Variants in RBFOX1 observed in about 807,000 individuals in gnomAD.
The protein encoded by RBFOX1 is RNA binding protein fox-1 homolog 1.
In RBFOX1, 8 loss-of-function variants were observed where a neutral mutation model predicts 57.7. The observed-to-expected ratio is 0.14, with a 90% CI of 0.08 to 0.25. The LOEUF (loss-of-function observed/expected upper bound fraction) is 0.25. RBFOX1 is among the 10% of genes least tolerant of loss of function. RBFOX1 has a pLI of 1.00. For missense variants in RBFOX1, 611 were observed against 548.5 expected (o/e 1.11, Z -1.14); for synonymous variants, 326 against 222.4 (o/e 1.47, Z -4.15).
At chr16:6,356,918 T>C (rs1173183114) in intron 2 of RBFOX1, among the ~76,000 whole-genome samples, 1 of 152,096 alleles carries the variant, frequency 6.6e-6, no homozygotes, top group African/African-American at 2.4e-5. Context: ...GTTCTAAAAA[T>C]GAAATAAGTC....
chr16:7,106,984 A>AACACACACACACACACAC lies in RBFOX1; in HGVS notation c.27+54893_27+54910dup, dbSNP rs61104403. Among the ~76,000 whole-genome samples the AACACACACACACACACAC allele has an allele frequency of 2.8e-3, 422 of 148,624 alleles. 3 individuals carry two copies. The highest frequency in any genetic ancestry group is 0.01 in the African/African-American group (406 of 40,284). On this transcript the variant is annotated intron_variant, in intron 4 of 15. Transcript: ENST00000550418. ...ATTCCCATGTAAGCCACACAGTTAAAACACACACACACACACACACACACT... is the reference window on the plus strand; with the variant it reads ...ATTCCCATGTAAGCCACACAGTTAAAACACACACACACACACACACACACACACACACACACACACACT...
In RBFOX1 at chr16:5,316,577, C is replaced by T. The variant is rs544458519; in HGVS notation, c.219+76472C>T. On this transcript the variant is annotated intron_variant, in intron 1 of 2. Transcript: ENST00000585867. ...GGACATTGGGCACATTACTTAGCCA[C>T]GTTGCTGAGCCTCATTTTTCTCATC... Among the ~76,000 whole-genome samples the T allele has an allele frequency of 2.4e-4, 36 of 152,326 alleles. 1 individual carries two copies. Among genetic ancestry groups the T allele is most frequent in the South Asian group, 4.1e-4 (2 of 4,826 alleles).
intron 3 of RBFOX1, among the ~76,000 whole-genome samples, chr16:5,739,963 G>T (rs1435176372): frequency 6.6e-6 from 1 of 152,246 alleles, no homozygotes; most frequent in Non-Finnish European, 1.5e-5. Context: ...GTGAGGCTGG[G>T]TTGCTGAGGA....
At chr16:6,695,540 T>G (rs1222391356) in intron 3 of RBFOX1, among the ~76,000 whole-genome samples, 1 of 152,052 alleles carries the variant, frequency 6.6e-6, no homozygotes, top group Non-Finnish European at 1.5e-5. Context: ...AGCCCTTAAG[T>G]GGCCGACGCG....
intron 4 of RBFOX1, among the ~76,000 whole-genome samples, chr16:7,061,862 A>G (rs1270325825): frequency 6.6e-6 from 1 of 152,152 alleles, no homozygotes; most frequent in Non-Finnish European, 1.5e-5. Context: ...AGAAAAAAAA[A>G]TACGTGATAG....
chr16:6,340,228 G>A (rs1016383876), intron 2 of RBFOX1, among the ~76,000 whole-genome samples: 16 of 152,100 alleles, frequency 1.1e-4, no homozygotes, highest in Admixed American at 7.2e-4. Context: ...GAAACAGGCC[G>A]TCCGACTATC....
At chr16:7,068,651 A>G (rs2056675135) in intron 4 of RBFOX1, among the ~76,000 whole-genome samples, 1 of 152,120 alleles carries the variant, frequency 6.6e-6, no homozygotes, top group African/African-American at 2.4e-5. Context: ...CAATGGTGCA[A>G]TCTCAGTTCA....
intron 3 of RBFOX1, among the ~76,000 whole-genome samples, chr16:5,654,293 T>C (rs1400854613): frequency 6.6e-6 from 1 of 152,224 alleles, no homozygotes; most frequent in Non-Finnish European, 1.5e-5. Context: ...TATTGGCTTC[T>C]GGGAGCCAAG....
intron 1 of RBFOX1, among the ~76,000 whole-genome samples, chr16:5,258,614 G>A (rs58426638): frequency 0.3 from 46,164 of 152,056 alleles, 7,483 homozygotes; most frequent in South Asian, 0.42. Context: ...GTGGTCCATT[G>A]TGGCTTTACT....
intron 4 of RBFOX1, among the ~76,000 whole-genome samples, chr16:7,132,778 C>T (rs963095505): frequency 6.6e-6 from 1 of 151,964 alleles, no homozygotes; most frequent in East Asian, 1.9e-4. Flanking sequence ...ATTTCAAATA[C>T]TGAAACTCTT....
rs557070755 is a variant in RBFOX1 at position 6,870,650 on chromosome 16, C to T, written c.-15-181407C>T. Among the ~76,000 whole-genome samples, 7 of 152,182 alleles carry T rather than the reference C, an allele frequency of 4.6e-5. No homozygotes were observed. The South Asian group carries it at 8.3e-4, about 18-fold the overall frequency. On this transcript the variant is annotated intron_variant, in intron 3 of 15. Coordinates refer to ENST00000550418, the MANE Select transcript of RBFOX1 (RefSeq NM_018723.4). ...TGTAGATGAGCAGAAACAAAACAAA[C>T]GATGATGGGAATATTACCATAACCA...
chr16:6,283,574 C>A (rs1434459787), intron 1 of RBFOX1, among the ~76,000 whole-genome samples: 1 of 152,068 alleles, frequency 6.6e-6, no homozygotes, highest in Non-Finnish European at 1.5e-5. Context: ...ATTAAAAATT[C>A]TCTCCAGAAC....
chr16:5,742,844 G>T lies in RBFOX1; in HGVS notation c.319-124459G>T, dbSNP rs34891933. Among the ~76,000 whole-genome samples the T allele has an allele frequency of 4.5e-3, 689 of 152,318 alleles. 5 individuals are homozygous for T. Among genetic ancestry groups the T allele is most frequent in the African/African-American group, 0.016 (651 of 41,560 alleles). On this transcript the variant is annotated intron_variant, in intron 3 of 19. Coordinates refer to the RBFOX1 transcript ENST00000641259. ...CTGAAAGAACCAATGGGGGCTAAGA[G>T]CTAGCTTGAAGAACTTCATTTGGGC...
intron 1 of RBFOX1, among the ~76,000 whole-genome samples, chr16:6,222,155 G>C (rs761057264): frequency 6.6e-6 from 1 of 152,060 alleles, no homozygotes; most frequent in Non-Finnish European, 1.5e-5. Context: ...TAGTCCAATG[G>C]AAATGAATGT....
intron 1 of RBFOX1, among the ~76,000 whole-genome samples, chr16:6,207,097 C>G (rs1245289021): frequency 1.3e-5 from 2 of 151,910 alleles, no homozygotes; most frequent in East Asian, 3.9e-4. Flanking sequence ...TAGCTATGAC[C>G]CCCTGCATTC....
At chr16:6,114,744 C>G (rs13332701) in intron 1 of RBFOX1, among the ~76,000 whole-genome samples, 1 of 151,850 alleles carries the variant, frequency 6.6e-6, no homozygotes, top group Non-Finnish European at 1.5e-5. Flanking sequence ...GCAGGACGGG[C>G]AAGTCCAAAA....
chr16:6,841,122 T>G (rs1050688024), intron 3 of RBFOX1, among the ~76,000 whole-genome samples: 5 of 152,150 alleles, frequency 3.3e-5, no homozygotes, highest in African/African-American at 1.2e-4. Context: ...TGCATTTGCT[T>G]AAGTTCCTTG....
intron 4 of RBFOX1, among the ~76,000 whole-genome samples, chr16:5,960,300 G>T (rs925692419): frequency 1.3e-5 from 2 of 152,088 alleles, no homozygotes; most frequent in Non-Finnish European, 2.9e-5. Context: ...AACTCATTTT[G>T]CAATAAACAA....
chr16:6,559,619 C>G (rs1194987793), intron 2 of RBFOX1, among the ~76,000 whole-genome samples: 1 of 84,580 alleles, frequency 1.2e-5, no homozygotes, highest in Non-Finnish European at 2.7e-5. Context: ...TATATACATA[C>G]ATACATGTAT....
Sources: gnomAD v4.1 joint callset for allele counts (sites outside exome capture counted in the v4.1 genomes callset) on GRCh38, gnomAD v4.1.1 for gene constraint, MANE v1.5 for transcripts, NCBI Gene and HGNC (gene_info 2026-07-23, HGNC 2026-07-21) for gene names.